PGCKA1: variants seen among roughly 807,000 people sequenced by gnomAD.
PGCKA1 encodes the protein PDCD10 and GCKIII kinases-associated protein 1.
the PGCKA1 span, among the ~76,000 whole-genome samples, chr4:37,531,166 C>T: frequency 6.6e-6 from 1 of 152,282 alleles, no homozygotes; most frequent in African/African-American, 2.4e-5. Flanking sequence ...ACTTTATATG[C>T]GTTGTCTGTA....
chr4:37,471,106 C>T, the PGCKA1 span, among the ~76,000 whole-genome samples: 18 of 152,142 alleles, frequency 1.2e-4, no homozygotes, highest in East Asian at 1.9e-4. Context: ...AACTAAATTT[C>T]GCAGTTTATT....
the PGCKA1 span, among the ~76,000 whole-genome samples, chr4:37,464,923 G>T: frequency 6.6e-6 from 1 of 152,200 alleles, no homozygotes; most frequent in African/African-American, 2.4e-5. Flanking sequence ...GGAGTTCACA[G>T]AGAAAGCAGA....
chr4:37,575,553 C>T, the PGCKA1 span, among the ~76,000 whole-genome samples: 2 of 151,928 alleles, frequency 1.3e-5, no homozygotes, highest in African/African-American at 4.8e-5. Flanking sequence ...TGTGGGTTGT[C>T]TCTTCACTCC....
the PGCKA1 span, among the ~76,000 whole-genome samples, chr4:37,508,916 C>G: frequency 6.7e-6 from 1 of 148,782 alleles, no homozygotes; most frequent in Non-Finnish European, 1.5e-5. Flanking sequence ...ATCTGTTTAA[C>G]AAAGCACATC....
chr4:37,550,348 A>T, the PGCKA1 span, among the ~76,000 whole-genome samples: 1 of 149,398 alleles, frequency 6.7e-6, no homozygotes, highest in African/African-American at 2.5e-5. Context: ...CTAGACTGGA[A>T]AAAAAAGTTA....
At chr4:37,523,091 GTT>G in the PGCKA1 span, among the ~76,000 whole-genome samples, 2 of 152,188 alleles carry the variant, frequency 1.3e-5, no homozygotes, top group Non-Finnish European at 2.9e-5. Context: ...TGCCTTTCAA[GTT>G]TACTGGGAGA....
the PGCKA1 span, among the ~76,000 whole-genome samples, chr4:37,560,254 C>G: frequency 6.6e-6 from 1 of 152,172 alleles, no homozygotes; most frequent in East Asian, 1.9e-4. Flanking sequence ...TCATTAGGAT[C>G]CTCACCCTGC....
chr4:37,539,882 G>C, the PGCKA1 span, among the ~76,000 whole-genome samples: 1 of 152,084 alleles, frequency 6.6e-6, no homozygotes, highest in Non-Finnish European at 1.5e-5. Context: ...GTTGTAAAAT[G>C]ATCAAAACAG....
At chr4:37,536,627 T>C in the PGCKA1 span, among the ~76,000 whole-genome samples, 3 of 152,150 alleles carry the variant, frequency 2.0e-5, no homozygotes, top group Non-Finnish European at 2.9e-5. Flanking sequence ...TTCTTTATCC[T>C]GTAGAGATGG....
At chr4:37,490,384 G>A in the PGCKA1 span, among the ~76,000 whole-genome samples, 2 of 152,120 alleles carry the variant, frequency 1.3e-5, no homozygotes, top group Admixed American at 1.3e-4. Flanking sequence ...ATTTTTAAAA[G>A]ACTAGACTCA....
the PGCKA1 span, among the ~76,000 whole-genome samples, chr4:37,485,473 T>A: frequency 6.6e-6 from 1 of 152,102 alleles, no homozygotes; most frequent in African/African-American, 2.4e-5. Flanking sequence ...CCTTCCCCCA[T>A]GGAATGACAC....
At chr4:37,584,626 C>G in the PGCKA1 span, among the ~76,000 whole-genome samples, 1 of 152,148 alleles carries the variant, frequency 6.6e-6, no homozygotes, top group Non-Finnish European at 1.5e-5. Flanking sequence ...TTTTCGAGTA[C>G]GGCTGTTAAA....
chr4:37,584,759 G>A, the PGCKA1 span, among the ~76,000 whole-genome samples: 2 of 152,044 alleles, frequency 1.3e-5, no homozygotes, highest in Non-Finnish European at 2.9e-5. Context: ...GGGAGTGCAA[G>A]GTGTCACTCT....
chr4:37,541,908 T>C, the PGCKA1 span, among the ~76,000 whole-genome samples: 1 of 152,160 alleles, frequency 6.6e-6, no homozygotes, highest in African/African-American at 2.4e-5. Context: ...GGCGGCAGGC[T>C]GGACAATATA....
chr4:37,549,398 G>A, the PGCKA1 span, among the ~76,000 whole-genome samples: 2 of 152,160 alleles, frequency 1.3e-5, no homozygotes, highest in African/African-American at 4.8e-5. Context: ...CCTGGCCAAG[G>A]CCAGTGGCCT....
the PGCKA1 span, among the ~76,000 whole-genome samples, chr4:37,577,118 C>G: frequency 2.6e-5 from 4 of 151,944 alleles, no homozygotes; most frequent in Non-Finnish European, 5.9e-5. Flanking sequence ...TGAAAATATT[C>G]CCTCCTCCTC....
chr4:37,458,585 C>T, the PGCKA1 span, among the ~76,000 whole-genome samples: 36 of 152,240 alleles, frequency 2.4e-4, no homozygotes, highest in East Asian at 2.5e-3. Context: ...CTGAGCCTCA[C>T]GTCTTTCATG....
At chr4:37,571,169 T>C in the PGCKA1 span, among the ~76,000 whole-genome samples, 1 of 151,804 alleles carries the variant, frequency 6.6e-6, no homozygotes, top group Non-Finnish European at 1.5e-5. Flanking sequence ...AGCACCAAAG[T>C]CCCCCTCTAA....
the PGCKA1 span, among the ~76,000 whole-genome samples, chr4:37,498,450 G>T: frequency 6.6e-6 from 1 of 152,068 alleles, no homozygotes; most frequent in African/African-American, 2.4e-5. Flanking sequence ...GAATGATGAT[G>T]GTATTTTGGT....
Sources: gnomAD v4.1 joint callset for allele counts (sites outside exome capture counted in the v4.1 genomes callset) on GRCh38, gnomAD v4.1.1 for gene constraint, MANE v1.5 for transcripts, NCBI Gene and HGNC (gene_info 2026-07-23, HGNC 2026-07-21) for gene names.